CALN1: variants seen among roughly 807,000 people sequenced by gnomAD.
CALN1 encodes calneuron 1.
Under a neutral mutation model 30.6 loss-of-function variants are expected in CALN1, and 17 were observed. That is an observed-to-expected ratio of 0.56 (90% confidence interval 0.38 to 0.83). CALN1 has a LOEUF of 0.83. CALN1 is among the 40% of genes least tolerant of loss of function. CALN1 has a pLI of 0.00. For synonymous variants in CALN1, 156 were observed against 131.4 expected, an observed-to-expected ratio of 1.19 and a Z score of -1.28; for missense variants, 291 against 354.9, an observed-to-expected ratio of 0.82 and a Z score of 1.45.
chr7:71,959,299 A>G (rs1464860933), intron 5 of CALN1, among the ~76,000 whole-genome samples: 2 of 152,224 alleles, frequency 1.3e-5, no homozygotes, highest in Non-Finnish European at 2.9e-5. Flanking sequence ...TCAGTTCTGA[A>G]GTTTGGACAA....
At chr7:71,797,361 C>A (rs1367036969) in intron 6 of CALN1, among the ~76,000 whole-genome samples, 1 of 152,156 alleles carries the variant, frequency 6.6e-6, no homozygotes, top group Non-Finnish European at 1.5e-5. Flanking sequence ...GCTCTTTGAT[C>A]CTTCCAGTTC....
intron 5 of CALN1, among the ~76,000 whole-genome samples, chr7:71,884,698 A>G (rs1038419768): frequency 6.6e-5 from 10 of 152,290 alleles, no homozygotes; most frequent in African/African-American, 1.7e-4. Flanking sequence ...TTAAACTTAT[A>G]TATCATGATT....
chr7:72,174,727 C>A (rs982021113), intron 3 of CALN1, among the ~76,000 whole-genome samples: 9 of 152,110 alleles, frequency 5.9e-5, no homozygotes, highest in African/African-American at 2.2e-4. Flanking sequence ...GAATGCAGAT[C>A]AGTTTGGGAC....
intron 5 of CALN1, among the ~76,000 whole-genome samples, chr7:71,925,284 C>CAAGCAAGAA (rs140312583): frequency 6.6e-6 from 1 of 151,118 alleles, no homozygotes; most frequent in African/African-American, 2.4e-5. Context: ...AGCAAGCAAG[C>CAAGCAAGAA]AAGAAAAGAA....
chr7:71,941,855 G>T lies in CALN1; in HGVS notation c.501+81802C>A, dbSNP rs142498769. ...AGTGAGAATGTTTATTAGAATGTTT[G>T]GGGATTAGGGATTGGGAGACATTCT... On this transcript the variant is annotated intron_variant, in intron 5 of 6. Coordinates refer to ENST00000395275, the MANE Select transcript of CALN1 (RefSeq NM_031468.4). 4.1e-3 allele frequency among the ~76,000 whole-genome samples: 623 copies of T among 152,210 alleles called. 4 individuals carry two copies. Among genetic ancestry groups the T allele is most frequent in the African/African-American group, 0.014 (588 of 41,542 alleles).
intron 3 of CALN1, among the ~76,000 whole-genome samples, chr7:72,240,642 T>C (rs1300867899): frequency 2.6e-5 from 4 of 152,254 alleles, no homozygotes; most frequent in Non-Finnish European, 4.4e-5. Context: ...TTGCTAAAAC[T>C]ACCCTCATCT....
intron 2 of CALN1, among the ~76,000 whole-genome samples, chr7:72,358,381 A>T (rs1320447568): frequency 6.6e-6 from 1 of 151,988 alleles, no homozygotes; most frequent in Non-Finnish European, 1.5e-5. Context: ...TTCTCTGATT[A>T]GTAAATGGAG....
intron 5 of CALN1, among the ~76,000 whole-genome samples, chr7:71,908,557 C>G (rs760796866): frequency 1.1e-4 from 16 of 152,068 alleles, no homozygotes; most frequent in Non-Finnish European, 1.5e-4. Context: ...TTCACTGATT[C>G]ACGAGAAAAG....
chr7:71,918,510 T>C (rs1794789522), intron 5 of CALN1, among the ~76,000 whole-genome samples: 1 of 152,212 alleles, frequency 6.6e-6, no homozygotes. Flanking sequence ...GCTTTCCTAC[T>C]GGGAGAACTG....
At chr7:72,100,050 C>A (rs1806537600) in intron 4 of CALN1, among the ~76,000 whole-genome samples, 2 of 152,056 alleles carry the variant, frequency 1.3e-5, no homozygotes, top group Admixed American at 1.3e-4. Context: ...GGAGGATTTG[C>A]AATAATCTAA....
At chr7:72,502,640 T>C in the CALN1 span, among the ~76,000 whole-genome samples, 2 of 152,248 alleles carry the variant, frequency 1.3e-5, no homozygotes, top group East Asian at 3.9e-4. Context: ...ACTATTGACT[T>C]CCTAATATGG....
chr7:71,851,287 G>A (rs1201374499), intron 5 of CALN1, among the ~76,000 whole-genome samples: 1 of 151,138 alleles, frequency 6.6e-6, no homozygotes, highest in Non-Finnish European at 1.5e-5. Context: ...GTAGGAGGCC[G>A]AGATGACCAC....
At chr7:72,196,504 G>A (rs1436020316) in intron 3 of CALN1, among the ~76,000 whole-genome samples, 1 of 152,142 alleles carries the variant, frequency 6.6e-6, no homozygotes, top group Non-Finnish European at 1.5e-5. Context: ...AAAAAGTCAT[G>A]GAATTTCATA....
At chr7:72,424,892 T>C (rs189683945) in intron 1 of CALN1, among the ~76,000 whole-genome samples, 102 of 152,230 alleles carry the variant, frequency 6.7e-4, no homozygotes, top group East Asian at 2.5e-3. Context: ...CCTTGGTAAG[T>C]TGGGGCCCAT....
intron 3 of CALN1, among the ~76,000 whole-genome samples, chr7:72,175,151 G>A (rs901410530): frequency 5.3e-5 from 8 of 151,554 alleles, no homozygotes; most frequent in African/African-American, 1.9e-4. Flanking sequence ...TCGGCTCACT[G>A]CAAGCTCCGC....
At chr7:72,169,104 C>G (rs1019794013) in intron 3 of CALN1, among the ~76,000 whole-genome samples, 15 of 139,126 alleles carry the variant, frequency 1.1e-4, no homozygotes, top group African/African-American at 3.7e-4. Context: ...CCACATCTAG[C>G]CCTATTTATT....
At chr7:72,411,465 G>T (rs544779050) in intron 1 of CALN1, among the ~76,000 whole-genome samples, 2 of 152,112 alleles carry the variant, frequency 1.3e-5, no homozygotes, top group African/African-American at 4.8e-5. Flanking sequence ...CTGAAATCTA[G>T]TTTGAATAAA....
chr7:72,228,214 A>G (rs888595978), intron 3 of CALN1, among the ~76,000 whole-genome samples: 6 of 151,922 alleles, frequency 3.9e-5, no homozygotes, highest in African/African-American at 1.4e-4. Flanking sequence ...AGTTTGGTCA[A>G]AGAGAGAATG....
chr7:72,142,769 AGAT>A (rs1372905291), intron 3 of CALN1, among the ~76,000 whole-genome samples: 1 of 152,128 alleles, frequency 6.6e-6, no homozygotes, highest in East Asian at 1.9e-4. Flanking sequence ...TACCCCTCTG[AGAT>A]GAAACTTCCA....
Sources: allele counts gnomAD v4.1 joint callset (sites outside exome capture counted in the v4.1 genomes callset), GRCh38; gene constraint gnomAD v4.1.1; transcripts MANE v1.5; gene names NCBI Gene and HGNC (gene_info 2026-07-23, HGNC 2026-07-21).